Variants in ZNF565 observed in about 807,000 individuals in gnomAD.
The protein encoded by ZNF565 is zinc finger protein 565.
A neutral mutation model predicts 39.4 loss-of-function variants in ZNF565; 27 were observed. The observed-to-expected ratio is 0.69, with a 90% confidence interval of 0.51 to 0.95. The LOEUF (loss-of-function observed/expected upper bound fraction) is 0.95, where lower values mean the gene tolerates loss of function less well. Among genes scored for constraint, ZNF565 ranks in the 40% least tolerant of loss-of-function variants. The pLI is 0.00. For synonymous variants in ZNF565, 185 were observed against 216.6 expected, an observed-to-expected ratio of 0.85 and a Z score of 1.28; for missense variants, 524 against 621.1, an observed-to-expected ratio of 0.84 and a Z score of 1.66.
At position 36,194,339 on chromosome 19, in the gene ZNF565, G is replaced by A. The variant is rs960331620; in HGVS notation, c.137-11C>T. 2.4e-5 allele frequency: 38 copies of A among 1,599,108 alleles called. No homozygotes were observed. Among genetic ancestry groups the A allele is most frequent in the Non-Finnish European group, 3.2e-5 (38 of 1,171,594 alleles). On this transcript the variant is annotated splice_polypyrimidine_tract_variant and intron_variant, in intron 3 of 4. Transcript: ENST00000304116. Reference sequence around the variant, plus strand: ...TAGAAATGGAGAGTCCTGTTTACAGGAAAAGAAATGGGGTGTGATCAGACC... The same window carrying A: ...TAGAAATGGAGAGTCCTGTTTACAGAAAAAGAAATGGGGTGTGATCAGACC...
At chr19:36,241,484 TAAAA>T (rs34534450) in intron 1 of ZNF565, among the ~76,000 whole-genome samples, 2 of 109,446 alleles carry the variant, frequency 1.8e-5, no homozygotes, top group South Asian at 3.0e-4. Flanking sequence ...GACTCTGTAT[TAAAA>T]AAAAAAAAAA....
intron 1 of ZNF565, among the ~76,000 whole-genome samples, chr19:36,202,419 CA>C (rs1337213063): frequency 6.6e-6 from 1 of 151,224 alleles, no homozygotes; most frequent in Admixed American, 6.6e-5. Context: ...AAAAAAACTG[CA>C]GAGTTAAGAA....
At chr19:36,190,252 T>A (rs1199502911) in intron 4 of ZNF565, among the ~76,000 whole-genome samples, 2 of 152,154 alleles carry the variant, frequency 1.3e-5, no homozygotes, top group African/African-American at 4.8e-5. Context: ...CCTATGAATG[T>A]TGTCACACAG....
At chr19:36,203,465 T>C (rs1272565306) in intron 1 of ZNF565, 3 of 152,202 alleles carry the variant, frequency 2.0e-5, no homozygotes, top group African/African-American at 7.2e-5. Flanking sequence ...CATCTACTGC[T>C]TTTCTGCAGA....
chr19:36,226,387 C>T (rs1272877652), intron 1 of ZNF565, among the ~76,000 whole-genome samples: 1 of 152,192 alleles, frequency 6.6e-6, no homozygotes, highest in Non-Finnish European at 1.5e-5. Flanking sequence ...TTTCAACATA[C>T]ATAGTGGATG....
chr19:36,230,162 TG>T (rs1977264916), intron 1 of ZNF565, among the ~76,000 whole-genome samples: 1 of 152,246 alleles, frequency 6.6e-6, no homozygotes, highest in Non-Finnish European at 1.5e-5. Context: ...ACTTTTTAAG[TG>T]GAATACAGGG....
At chr19:36,211,002 A>C (rs1254417434) in intron 1 of ZNF565, among the ~76,000 whole-genome samples, 1 of 134,906 alleles carries the variant, frequency 7.4e-6, no homozygotes, top group Non-Finnish European at 1.5e-5. Flanking sequence ...TAATTTGAGC[A>C]AAAAAAAAAA....
chr19:36,191,125 T>C (rs1975524478), intron 4 of ZNF565, among the ~76,000 whole-genome samples: 1 of 150,736 alleles, frequency 6.6e-6, no homozygotes, highest in South Asian at 2.1e-4. Context: ...TTTCAAAATA[T>C]CAAAACTGTT....
chr19:36,236,474 G>A (rs1433897703), intron 1 of ZNF565: 1 of 1,611,160 alleles, frequency 6.2e-7, no homozygotes, highest in African/African-American at 1.3e-5. Flanking sequence ...AATTTACAGT[G>A]GGGAAAACCC....
At chr19:36,190,663 A>G (rs866860119) in intron 4 of ZNF565, among the ~76,000 whole-genome samples, 1 of 151,766 alleles carries the variant, frequency 6.6e-6, no homozygotes, top group African/African-American at 2.4e-5. Flanking sequence ...GGGTGGACAC[A>G]ATGTATTCAC....
At chr19:36,211,488 A>ACACACAC (rs1568423884) in intron 1 of ZNF565, among the ~76,000 whole-genome samples, 19 of 111,750 alleles carry the variant, frequency 1.7e-4, no homozygotes, top group African/African-American at 6.0e-4. Context: ...CACACACACA[A>ACACACAC]TTCTAATTAA....
rs376577197 is a variant in ZNF565, at chr19:36,220,377, A to T, written c.56-18327T>A. Among the ~76,000 whole-genome samples, 469 of 113,876 alleles carry T rather than the reference A, an allele frequency of 4.1e-3. 16 individuals are homozygous for T. The highest frequency in any genetic ancestry group is 6.8e-3 in the Non-Finnish European group (310 of 45,654). 74.7% of individuals were successfully genotyped at this position (113,876 alleles called of 152,430 possible). On this transcript the variant is annotated intron_variant, in intron 1 of 4. Coordinates refer to the ZNF565 transcript ENST00000355114. ...CTTTTTTTTAATTTAATTTTATTTTATTTTTGAGACGGAGTCTTGCTCTGT... is the reference window on the plus strand; with the variant it reads ...CTTTTTTTTAATTTAATTTTATTTTTTTTTTGAGACGGAGTCTTGCTCTGT...
chr19:36,217,095 C>T (rs1217781970), upstream of ZNF565, among the ~76,000 whole-genome samples: 2 of 121,210 alleles, frequency 1.7e-5, no homozygotes, highest in African/African-American at 6.3e-5. Flanking sequence ...TGGAGTCTCT[C>T]TCTCTTGCCC....
At chr19:36,236,489 G>C (rs762960670) in intron 1 of ZNF565, 11 of 1,613,846 alleles carry the variant, frequency 6.8e-6, no homozygotes, top group Non-Finnish European at 7.6e-6. Context: ...AAACCCCTTT[G>C]CCTGTAAGGT....
chr19:36,208,541 G>A (rs531417130), intron 1 of ZNF565, among the ~76,000 whole-genome samples: 1 of 152,092 alleles, frequency 6.6e-6, no homozygotes, highest in Non-Finnish European at 1.5e-5. Context: ...CTGTTTTAGA[G>A]CTCCAACATC....
chr19:36,204,792 C>A (rs1301240816), intron 1 of ZNF565, among the ~76,000 whole-genome samples: 1 of 151,942 alleles, frequency 6.6e-6, no homozygotes. Context: ...GAGTTTGAGA[C>A]CAGCCTGGCC....
chr19:36,192,859 C>T (rs1450554068), intron 4 of ZNF565, among the ~76,000 whole-genome samples: 2 of 151,808 alleles, frequency 1.3e-5, no homozygotes, highest in East Asian at 3.9e-4. Context: ...TTTTGTCGCT[C>T]AGGCTGGAGT....
At chr19:36,212,708 A>T (rs1318929490) in intron 1 of ZNF565, among the ~76,000 whole-genome samples, 1 of 152,144 alleles carries the variant, frequency 6.6e-6, no homozygotes, top group East Asian at 1.9e-4. Context: ...AAAAAAATTT[A>T]AAAGAACATT....
chr19:36,225,931 T>C (rs2432051), intron 1 of ZNF565, among the ~76,000 whole-genome samples: 56,463 of 151,420 alleles, frequency 0.37, 10,708 homozygotes, highest in South Asian at 0.49. Flanking sequence ...CCCTGCTAAT[T>C]TTTGGATTTG....
Sources: allele counts gnomAD v4.1 joint callset (sites outside exome capture counted in the v4.1 genomes callset), GRCh38; gene constraint gnomAD v4.1.1; transcripts MANE v1.5; gene names NCBI Gene and HGNC (gene_info 2026-07-23, HGNC 2026-07-21).